Variants in SCP2 observed in about 807,000 individuals in gnomAD.
SCP2 encodes the protein SCP-2/3-oxoacyl-CoA thiolase.
Under a neutral mutation model 71.4 loss-of-function variants are expected in SCP2, and 48 were observed. The observed-to-expected ratio is 0.67, with a 90% CI of 0.53 to 0.86. The LOEUF is 0.86. SCP2 is among the 40% of genes least tolerant of loss of function. The pLI is 0.00. For missense variants in SCP2, 560 were observed against 655.6 expected (o/e 0.85, Z 1.59); for synonymous variants, 220 against 218.1 (o/e 1.01, Z -0.08).
chr1:52,945,780 A>G, intron 2 of SCP2, among the ~76,000 whole-genome samples: 1 of 146,300 alleles, frequency 6.8e-6, no homozygotes. Flanking sequence ...TTTGTTGGAC[A>G]TTTAGGTTCC....
intron 11 of SCP2, among the ~76,000 whole-genome samples, chr1:52,991,976 C>A (rs1478178417): frequency 6.6e-6 from 1 of 152,072 alleles, no homozygotes; most frequent in Non-Finnish European, 1.5e-5. Flanking sequence ...AGATGCCATC[C>A]ACAGTTATAC....
At chr1:52,992,154 A>G (rs1183677030) in intron 11 of SCP2, among the ~76,000 whole-genome samples, 1 of 152,198 alleles carries the variant, frequency 6.6e-6, no homozygotes, top group African/African-American at 2.4e-5. Context: ...CAGACCAGCA[A>G]GTAAAAGTTC....
chr1:53,020,154 T>TGG (rs1252860714), intron 12 of SCP2, among the ~76,000 whole-genome samples: 1 of 152,198 alleles, frequency 6.6e-6, no homozygotes, highest in Admixed American at 6.5e-5. Context: ...CCCAAAGTGC[T>TGG]GGGATTACAG....
At chr1:53,042,283 A>T (rs1164853986) in intron 14 of SCP2, among the ~76,000 whole-genome samples, 1 of 151,736 alleles carries the variant, frequency 6.6e-6, no homozygotes, top group Non-Finnish European at 1.5e-5. Context: ...TTTTTTAATG[A>T]CTGAAGGTTA....
chr1:52,999,876 G>C (rs1169660108), intron 11 of SCP2, among the ~76,000 whole-genome samples: 1 of 147,870 alleles, frequency 6.8e-6, no homozygotes, highest in East Asian at 2.1e-4. Context: ...GAGTACAGTG[G>C]CATGATCTCA....
chr1:53,035,714 A>G (rs1356397076), intron 13 of SCP2, among the ~76,000 whole-genome samples: 1 of 152,242 alleles, frequency 6.6e-6, no homozygotes. Flanking sequence ...TAGCTAGATC[A>G]TAGAATAAAA....
At chr1:52,995,013 G>T in intron 11 of SCP2, 1 of 507,382 alleles carries the variant, frequency 2.0e-6, no homozygotes, top group Non-Finnish European at 4.0e-6. Context: ...GTCAATCTGG[G>T]GCAGGCAACA....
At chr1:52,974,201 A>T (rs564411355) in intron 6 of SCP2, among the ~76,000 whole-genome samples, 50 of 151,782 alleles carry the variant, frequency 3.3e-4, no homozygotes, top group East Asian at 5.8e-4. Flanking sequence ...GTAAAAAAAA[A>T]TTTTTTTTGC....
chr1:52,935,865 G>A (rs1014721783), intron 1 of SCP2, among the ~76,000 whole-genome samples: 1 of 152,112 alleles, frequency 6.6e-6, no homozygotes, highest in Non-Finnish European at 1.5e-5. Context: ...TCGAGCCCAG[G>A]AGTTTGAGGC....
intron 7 of SCP2, among the ~76,000 whole-genome samples, chr1:52,976,023 T>C (rs1228210774): frequency 6.6e-6 from 1 of 152,164 alleles, no homozygotes; most frequent in African/African-American, 2.4e-5. Context: ...GTACTTAAAA[T>C]TACAGTTTTA....
rs1170093685 is a variant in SCP2 at position 52,978,254 on chromosome 1, A to T, written c.712A>T (p.Ser238Cys). The T allele has an allele frequency of 8.7e-6, 14 of 1,614,066 alleles. No individual in the cohort carries two copies. Among genetic ancestry groups the T allele is most frequent in the Middle Eastern group, 1.7e-4 (1 of 5,982 alleles). Residue 238 changes from serine (S) to cysteine (C), a missense_variant, in exon 9 of 16, where the codon AGT becomes TGT. Ser to Cys is a moderately radical substitution (Grantham distance 112). Transcript: ENST00000371514. ...TGGTGCTGCAGCAGCAATTTTGGCC[A>T]GTGAAGCATTTGTACAGAAGTATGG... ...SDGAAAAILASEAFVQKYGLQ... is the reference protein window; with the variant it reads ...SDGAAAAILACEAFVQKYGLQ...
chr1:52,927,556 T>G (rs1011055309), intron 1 of SCP2, 91 bp downstream of exon 1: 12 of 966,038 alleles, frequency 1.2e-5, no homozygotes, highest in Non-Finnish European at 1.6e-5. Context: ...TAGCTTCGAC[T>G]GCTCCGCGCG....
chr1:52,948,126 G>A (rs747189479), intron 3 of SCP2, 46 bp downstream of exon 3: 5 of 1,148,400 alleles, frequency 4.4e-6, no homozygotes, highest in East Asian at 2.3e-5. Context: ...CCTAAATCTA[G>A]CAGCAACTAT....
intron 11 of SCP2, among the ~76,000 whole-genome samples, chr1:53,008,042 A>G (rs1166829386): frequency 6.6e-6 from 1 of 152,198 alleles, no homozygotes; most frequent in Non-Finnish European, 1.5e-5. Flanking sequence ...AAATGGATAA[A>G]TTCCTGGACA....
chr1:53,014,707 A>C (rs1434400703), intron 11 of SCP2, among the ~76,000 whole-genome samples, 183 bp from the exon 12 acceptor site: 1 of 152,246 alleles, frequency 6.6e-6, no homozygotes, highest in Non-Finnish European at 1.5e-5. Flanking sequence ...GAAAGAGTGC[A>C]GGAAAGAAAT....
intron 5 of SCP2, among the ~76,000 whole-genome samples, chr1:52,958,521 G>A (rs1656033713): frequency 6.6e-6 from 1 of 152,018 alleles, no homozygotes; most frequent in African/African-American, 2.4e-5. Context: ...ATGAGGCACC[G>A]CGCCTGGCCA....
At chr1:52,984,959 C>A (rs1465678428) in intron 10 of SCP2, among the ~76,000 whole-genome samples, 3 of 151,828 alleles carry the variant, frequency 2.0e-5, no homozygotes, top group African/African-American at 7.3e-5. Flanking sequence ...CCTGCCTCAG[C>A]CTCCCGAGTA....
Position 53,050,810 on chromosome 1 carries a change from G to A in SCP2, c.*106G>A, listed in dbSNP as rs112421025. 7.3e-5 allele frequency: 61 copies of A among 838,948 alleles called. No homozygotes were observed. The highest frequency in any genetic ancestry group is 6.2e-4 in the African/African-American group (37 of 59,692). The allele number at this position is 838,948 out of a possible 1,614,324, so 52.0% of individuals were successfully genotyped here. On this transcript the variant is annotated 3_prime_UTR_variant, in exon 16 of 16. Transcript: ENST00000371514. Reference sequence around the variant, plus strand: ...CTGAAACTACACATTGGCAAATAGCGTGGGATAGATTTGTTTCTTAATGGG... The same window carrying A: ...CTGAAACTACACATTGGCAAATAGCATGGGATAGATTTGTTTCTTAATGGG...
intron 14 of SCP2, among the ~76,000 whole-genome samples, 194 bp from the exon 15 acceptor site, chr1:53,047,664 G>A (rs988780820): frequency 2.6e-5 from 4 of 152,050 alleles, no homozygotes; most frequent in African/African-American, 9.7e-5. Context: ...ATTCCGTCTT[G>A]TTAAATATCA....
Sources: gnomAD v4.1 joint callset for allele counts (sites outside exome capture counted in the v4.1 genomes callset) on GRCh38, gnomAD v4.1.1 for gene constraint, MANE v1.5 for transcripts, NCBI Gene and HGNC (gene_info 2026-07-23, HGNC 2026-07-21) for gene names.